CCNB3: variants seen among roughly 807,000 people sequenced by gnomAD.
CCNB3 encodes the protein cyclin B3.
A neutral mutation model predicts 68.0 loss-of-function variants in CCNB3; 12 were observed. That is an observed-to-expected ratio of 0.18 (90% CI 0.11 to 0.29). The LOEUF (loss-of-function observed/expected upper bound fraction) is 0.29, where lower values mean the gene tolerates loss of function less well. Among genes scored for constraint, CCNB3 ranks in the 10% least tolerant of loss-of-function variants. CCNB3 has a pLI of 1.00. For synonymous variants in CCNB3, 354 were observed against 388.9 expected (o/e 0.91, Z 1.06); for missense variants, 904 against 993.1 (o/e 0.91, Z 1.21).
chrX:50,335,192 C>T (rs1179372139), intron 8 of CCNB3, among the ~76,000 whole-genome samples: 3 of 111,971 alleles, frequency 2.7e-5, no homozygotes, highest in East Asian at 5.6e-4. Context: ...TTCTTGAATC[C>T]TTGGGGAAGC....
In CCNB3 at chrX:50,309,666, G is replaced by A. The variant is rs1557214290; in HGVS notation, c.1497G>A (p.Gly499=). ...LILKRKHATQ[G]TMSHLKKPLI... ...TAAAGAGGAAGCATGCCACTCAGGG[G>A]ACAATGTCCCACTTGAAGAAACCAC... Residue 499 remains glycine, a synonymous_variant, in exon 6 of 13, where the codon GGG becomes GGA. Coordinates refer to ENST00000376042, the MANE Select transcript of CCNB3 (RefSeq NM_033031.3). The A allele has an allele frequency of 2.5e-6, 3 of 1,210,527 alleles. No homozygotes were observed. Among genetic ancestry groups the A allele is most frequent in the South Asian group, 3.5e-5 (2 of 56,797 alleles).
rs370627514 is a variant in CCNB3 at position 50,310,411 on chromosome X, T to C, written c.2242T>C (p.Ser748Pro). The C allele has an allele frequency of 1.2e-5, 15 of 1,210,150 alleles. No homozygotes were observed. The African/African-American group carries it at 2.4e-4, about 20-fold the overall frequency. The change falls in exon 6 of 13, where the codon TCT becomes CCT. Residue 748 changes from serine (S) to proline (P), a missense_variant. This residue lies in a region of CCNB3 where 619 missense variants were observed against 609.8 expected (regional missense o/e 1.02). Transcript: ENST00000376042. ...AGCCACAAACATACAGACACAATTA[T>C]CTTTAAAGAAGAAGTCCACTTCTCA... ...EAATNIQTQL[S>P]LKKKSTSHGK...
chrX:50,338,501 G>A (rs953874492), intron 8 of CCNB3, among the ~76,000 whole-genome samples: 1 of 112,125 alleles, frequency 8.9e-6, no homozygotes, highest in Non-Finnish European at 1.9e-5. Context: ...GAATGGAACA[G>A]AACAGGACAG....
rs35500925 is a variant in CCNB3, at chrX:50,350,248, T to TACACACACACAC, written c.3961-969_3961-958dup. Reference sequence around the variant, plus strand: ...TATGTATGATACACACATACACAAATACACACACACACACACACACACACA... The same window carrying TACACACACACAC: ...TATGTATGATACACACATACACAAATACACACACACACACACACACACACACACACACACACA... On this transcript the variant is annotated intron_variant, in intron 11 of 12. Coordinates refer to ENST00000376042, the MANE Select transcript of CCNB3 (RefSeq NM_033031.3). Among the ~76,000 whole-genome samples the TACACACACACAC allele has an allele frequency of 5.2e-3, 491 of 95,229 alleles. 5 individuals carry two copies. Among genetic ancestry groups the TACACACACACAC allele is most frequent in the African/African-American group, 0.018 (466 of 25,897 alleles). The allele number at this position is 95,229 out of a possible 115,157, so 82.7% of individuals were successfully genotyped here. A position where few individuals can be genotyped will look rare whatever the true frequency, so the allele number is the denominator to read the frequency against.
At chrX:50,311,533 G>T in intron 6 of CCNB3, 37 bp downstream of exon 6, 5 of 989,756 alleles carry the variant, frequency 5.1e-6, no homozygotes, top group South Asian at 2.3e-5. Flanking sequence ...TAGATAAATT[G>T]TTCTTTGATA....
chrX:50,330,032 C>T (rs1474526905), intron 8 of CCNB3, among the ~76,000 whole-genome samples: 6 of 111,821 alleles, frequency 5.4e-5, no homozygotes, highest in Non-Finnish European at 7.5e-5. Context: ...AAGAACCCCT[C>T]GGACACCGAG....
At chrX:50,327,639 A>G (rs1298117362) in intron 8 of CCNB3, among the ~76,000 whole-genome samples, 1 of 111,855 alleles carries the variant, frequency 8.9e-6, no homozygotes, top group East Asian at 2.8e-4. Flanking sequence ...TTCTATTCCT[A>G]TCCTCTTTTT....
chrX:50,226,328 AAATATATATATAG>A (rs1366772348), intron 1 of CCNB3, among the ~76,000 whole-genome samples: 1 of 63,529 alleles, frequency 1.6e-5, no homozygotes, highest in East Asian at 4.8e-4. Context: ...ATATATATAG[AAATATATATATAG>A]AATATATATA....
chrX:50,288,457 G>A (rs1557209636), intron 3 of CCNB3, among the ~76,000 whole-genome samples: 2 of 111,253 alleles, frequency 1.8e-5, no homozygotes, highest in Middle Eastern at 4.7e-3. Flanking sequence ...GGTCTACCTT[G>A]GATAGGATAA....
intron 5 of CCNB3, among the ~76,000 whole-genome samples, chrX:50,305,646 A>G (rs782313217): frequency 1.8e-5 from 2 of 110,445 alleles, no homozygotes; most frequent in South Asian, 7.8e-4. Context: ...CCTAAAACTT[A>G]AAGTATATTA....
intron 1 of CCNB3, among the ~76,000 whole-genome samples, chrX:50,280,649 T>C (rs1936121545): frequency 9.0e-6 from 1 of 110,816 alleles, no homozygotes; most frequent in Admixed American, 9.8e-5. Context: ...GAATTAGTGC[T>C]TGACTCTATA....
chrX:50,311,345 T>C lies in CCNB3; in HGVS notation c.3176T>C (p.Val1059Ala), dbSNP rs1310885435. The change falls in exon 6 of 13, where the codon GTG becomes GCG. Residue 1059 changes from valine to alanine, a missense_variant. This residue lies in a region of CCNB3 where 285 missense variants were observed against 383.4 expected (regional missense o/e 0.74). Transcript: ENST00000376042. ...LIPQIGTSPY[V>A]FSTTPESITE... The stretch of plus-strand genomic sequence containing the variant: ...CCCCAAATTGGAACCAGCCCATATG[T>C]GTTTAGCACCACCCCTGAATCCATA... 8.3e-7 allele frequency: 1 copy of C among 1,209,002 alleles called. No homozygotes were observed. The highest frequency in any genetic ancestry group is 1.1e-6 in the Non-Finnish European group (1 of 894,970).
At chrX:50,349,580 A>T (rs946372208) in intron 11 of CCNB3, among the ~76,000 whole-genome samples, 20 of 112,425 alleles carry the variant, frequency 1.8e-4, no homozygotes, top group Non-Finnish European at 7.5e-5. Context: ...CTGAACTGAC[A>T]CAGTGGCACT....
At chrX:50,280,004 AATATATAAATATATAGAAT>A (rs1217223046) in intron 1 of CCNB3, among the ~76,000 whole-genome samples, 155 of 79,052 alleles carry the variant, frequency 2.0e-3, no homozygotes, top group African/African-American at 6.5e-3. Context: ...ATATACATAG[AATATATAAATATATAGAAT>A]ATATATAAAT....
At chrX:50,227,646 G>C (rs1935910106) in intron 1 of CCNB3, among the ~76,000 whole-genome samples, 1 of 90,057 alleles carries the variant, frequency 1.1e-5, no homozygotes, top group Non-Finnish European at 2.1e-5. Context: ...TATATATAGA[G>C]AGAATATATA....
intron 8 of CCNB3, among the ~76,000 whole-genome samples, chrX:50,318,741 C>T (rs1467473956): frequency 9.0e-6 from 1 of 111,566 alleles, no homozygotes; most frequent in African/African-American, 3.3e-5. Context: ...AATCTGGAAA[C>T]TTGGCCGGTA....
rs1179303555 is a variant in CCNB3, at chrX:50,279,522, AAGATATATGAATATATATTCATATATAT to A, written c.-112-5018_-112-4991del. On this transcript the variant is annotated intron_variant, in intron 1 of 12. Coordinates refer to ENST00000376042, the MANE Select transcript of CCNB3 (RefSeq NM_033031.3). Reference sequence around the variant, plus strand: ...ATATATGAATGTATTTATTCATATAAAGATATATGAATATATATTCATATATATAAATATATGAATATATATTTTCTAT... The same window carrying A: ...ATATATGAATGTATTTATTCATATAAAAATATATGAATATATATTTTCTAT... Among the ~76,000 whole-genome samples, 179 of 84,042 alleles carry A rather than the reference AAGATATATGAATATATATTCATATATAT, an allele frequency of 2.1e-3. 1 individual carries two copies. Among genetic ancestry groups the A allele is most frequent in the Non-Finnish European group, 3.6e-3 (166 of 45,924 alleles). 73.0% of individuals were successfully genotyped at this position (84,042 alleles called of 115,157 possible). A position where few individuals can be genotyped will look rare whatever the true frequency, so the allele number is the denominator to read the frequency against.
chrX:50,320,888 T>C (rs1921982086), intron 8 of CCNB3, among the ~76,000 whole-genome samples: 1 of 111,492 alleles, frequency 9.0e-6, no homozygotes, highest in Non-Finnish European at 1.9e-5. Context: ...GGTTATATGA[T>C]TGCAATCATC....
chrX:50,280,142 T>G (rs1261650263), intron 1 of CCNB3, among the ~76,000 whole-genome samples: 2 of 91,338 alleles, frequency 2.2e-5, no homozygotes, highest in Non-Finnish European at 4.1e-5. Context: ...TATGTAAAAA[T>G]ATATATAGAA....
Sources: gnomAD v4.1 joint callset for allele counts (sites outside exome capture counted in the v4.1 genomes callset) on GRCh38, gnomAD v4.1.1 for gene constraint, gnomAD v4.1.1 regional missense constraint, MANE v1.5 for transcripts, NCBI Gene and HGNC (gene_info 2026-07-23, HGNC 2026-07-21) for gene names.